The following TRPM3 variants were observed in gnomAD, a reference collection of about 807,000 sequenced individuals.
The protein encoded by TRPM3 is transient receptor potential cation channel subfamily M member 3, also known as long transient receptor potential channel 3.
In TRPM3, 77 loss-of-function variants were observed where a neutral mutation model predicts 181.2. The observed-to-expected ratio is 0.42, with a 90% CI of 0.35 to 0.51. TRPM3 has a LOEUF of 0.51. Among genes scored for constraint, TRPM3 ranks in the 20% least tolerant of loss-of-function variants. TRPM3 has a pLI of 0.01. For missense variants in TRPM3, 1,759 were observed against 2,196.7 expected, an observed-to-expected ratio of 0.80 and a Z score of 3.98; for synonymous variants, 745 against 796.4, an observed-to-expected ratio of 0.94 and a Z score of 1.09.
At chr9:71,099,027 T>G (rs941134543) in intron 1 of TRPM3, among the ~76,000 whole-genome samples, 4 of 152,146 alleles carry the variant, frequency 2.6e-5, no homozygotes, top group Non-Finnish European at 5.9e-5. Flanking sequence ...ACCATGACAC[T>G]GAAGCCAAAG....
intron 1 of TRPM3, among the ~76,000 whole-genome samples, chr9:70,980,179 GT>G (rs2097350954): frequency 6.6e-6 from 1 of 151,936 alleles, no homozygotes; most frequent in Admixed American, 6.6e-5. Flanking sequence ...TGAGTCAGGC[GT>G]TGTGGTGCCA....
chr9:71,021,719 C>A (rs989962139), intron 1 of TRPM3, among the ~76,000 whole-genome samples: 1 of 151,982 alleles, frequency 6.6e-6, no homozygotes, highest in Non-Finnish European at 1.5e-5. Context: ...CATACAAAGT[C>A]GGGAGATCAA....
chr9:70,973,176 C>A (rs1190268540), intron 1 of TRPM3, among the ~76,000 whole-genome samples: 2 of 152,162 alleles, frequency 1.3e-5, no homozygotes, highest in African/African-American at 2.4e-5. Context: ...ATTTATTCCA[C>A]TGACTTTCTT....
chr9:70,569,845 G>A (rs116711332), intron 22 of TRPM3, among the ~76,000 whole-genome samples: 227 of 152,012 alleles, frequency 1.5e-3, no homozygotes, highest in African/African-American at 4.2e-3. Context: ...ATTGATATAT[G>A]TATATTTATA....
intron 1 of TRPM3, among the ~76,000 whole-genome samples, chr9:70,919,860 A>G (rs958666366): frequency 6.6e-6 from 1 of 151,568 alleles, no homozygotes; most frequent in Non-Finnish European, 1.5e-5. Flanking sequence ...ATTCTACCTT[A>G]TATTTTATTT....
chr9:70,899,296 T>C, intron 1 of TRPM3, among the ~76,000 whole-genome samples: 1 of 152,354 alleles, frequency 6.6e-6, no homozygotes, highest in East Asian at 1.9e-4. Context: ...GTGATCTTAC[T>C]GTTACTGTTT....
At chr9:70,776,585 C>G (rs757245044) in intron 7 of TRPM3, 10 of 578,076 alleles carry the variant, frequency 1.7e-5, no homozygotes, top group Non-Finnish European at 3.1e-5. Context: ...ATAAATCTGT[C>G]AGTCCTGTCA....
At chr9:71,118,522 A>G (rs942089375) in intron 1 of TRPM3, among the ~76,000 whole-genome samples, 7 of 152,222 alleles carry the variant, frequency 4.6e-5, no homozygotes, top group African/African-American at 1.7e-4. Flanking sequence ...AAAAGGATAG[A>G]AAGGGAAATT....
At chr9:71,290,590 A>G (rs2085725090) in intron 1 of TRPM3, among the ~76,000 whole-genome samples, 1 of 152,134 alleles carries the variant, frequency 6.6e-6, no homozygotes, top group Admixed American at 6.6e-5. Flanking sequence ...CTCAAAAGGA[A>G]CATATAAAAT....
intron 6 of TRPM3, chr9:70,827,585 G>A (rs987868213): frequency 3.0e-6 from 1 of 332,484 alleles, no homozygotes; most frequent in Non-Finnish European, 5.6e-6. Flanking sequence ...AAGCTTATCT[G>A]CATACACATA....
At chr9:71,120,063 C>T (rs2073278448) in intron 1 of TRPM3, among the ~76,000 whole-genome samples, 1 of 152,160 alleles carries the variant, frequency 6.6e-6, no homozygotes, top group Admixed American at 6.5e-5. Context: ...CACCACTTAG[C>T]TGTATGGAAC....
intron 6 of TRPM3, among the ~76,000 whole-genome samples, chr9:70,790,292 G>T (rs987382813): frequency 6.6e-6 from 1 of 152,134 alleles, no homozygotes; most frequent in Non-Finnish European, 1.5e-5. Flanking sequence ...ATAGGCCACA[G>T]ATCATGATTA....
chr9:71,383,307 G>C (rs993563479), intron 1 of TRPM3, among the ~76,000 whole-genome samples: 23 of 152,052 alleles, frequency 1.5e-4, no homozygotes, highest in African/African-American at 5.6e-4. Context: ...TCTTGTGTTT[G>C]CCCTTCCAGA....
chr9:70,853,851 T>C (rs1022118545), intron 3 of TRPM3, among the ~76,000 whole-genome samples: 1 of 152,246 alleles, frequency 6.6e-6, no homozygotes, highest in Admixed American at 6.5e-5. Flanking sequence ...ACTTTTTTCA[T>C]GTTTGGTTGT....
chr9:70,782,881 T>A (rs1167714594), intron 7 of TRPM3, among the ~76,000 whole-genome samples: 1 of 152,106 alleles, frequency 6.6e-6, no homozygotes, highest in Non-Finnish European at 1.5e-5. Flanking sequence ...CATAGGTTCA[T>A]CTACTAACTA....
At chr9:70,969,567 A>G (rs2097218234) in intron 1 of TRPM3, among the ~76,000 whole-genome samples, 1 of 145,122 alleles carries the variant, frequency 6.9e-6, no homozygotes, top group Non-Finnish European at 1.5e-5. Context: ...GTAATCTCAA[A>G]GAGTTTAACT....
chr9:71,126,951 T>C (rs981919129), intron 1 of TRPM3, among the ~76,000 whole-genome samples: 9 of 152,118 alleles, frequency 5.9e-5, no homozygotes, highest in East Asian at 1.9e-4. Context: ...TCCCAGAGCA[T>C]AGTTTTCCAA....
intron 1 of TRPM3, among the ~76,000 whole-genome samples, chr9:71,398,512 T>C (rs1235615430): frequency 6.6e-6 from 1 of 152,180 alleles, no homozygotes; most frequent in African/African-American, 2.4e-5. Flanking sequence ...CCCCATGGTG[T>C]CCTCATGAGA....
intron 1 of TRPM3, among the ~76,000 whole-genome samples, chr9:71,194,587 T>A (rs2078230417): frequency 6.6e-6 from 1 of 151,856 alleles, no homozygotes. Flanking sequence ...TCACTGTTTG[T>A]AGGAGAGCCG....
Sources: allele counts gnomAD v4.1 joint callset (sites outside exome capture counted in the v4.1 genomes callset), GRCh38; gene constraint gnomAD v4.1.1; transcripts MANE v1.5; gene names NCBI Gene and HGNC (gene_info 2026-07-23, HGNC 2026-07-21).